Variants in PTPRD observed in about 807,000 individuals in gnomAD.
The protein encoded by PTPRD is receptor-type tyrosine-protein phosphatase delta.
A neutral mutation model predicts 214.5 loss-of-function variants in PTPRD; 34 were observed. That is an observed-to-expected ratio of 0.16 (90% CI 0.12 to 0.21). The LOEUF is 0.21. PTPRD is among the 10% of genes least tolerant of loss of function. The pLI is 1.00. For missense variants in PTPRD, 2,545 were observed against 2,398.7 expected, an observed-to-expected ratio of 1.06 and a Z score of -1.27; for synonymous variants, 1,128 against 845.7, an observed-to-expected ratio of 1.33 and a Z score of -5.79.
intron 7 of PTPRD, among the ~76,000 whole-genome samples, chr9:9,625,519 G>T (rs1340804240): frequency 6.6e-6 from 1 of 151,622 alleles, no homozygotes; most frequent in Non-Finnish European, 1.5e-5. Flanking sequence ...CTGAATTACT[G>T]TGAGGTGATT....
At chr9:10,242,241 C>T (rs1339306596) in intron 3 of PTPRD, among the ~76,000 whole-genome samples, 2 of 151,926 alleles carry the variant, frequency 1.3e-5, no homozygotes, top group Non-Finnish European at 2.9e-5. Context: ...ATTTTCAGTT[C>T]TCTAAACTGT....
intron 39 of PTPRD, among the ~76,000 whole-genome samples, chr9:8,370,348 T>C (rs1414419600): frequency 6.6e-6 from 1 of 151,564 alleles, no homozygotes; most frequent in African/African-American, 2.4e-5. Context: ...ATACGAAGAG[T>C]AAGAACTGGA....
intron 12 of PTPRD, among the ~76,000 whole-genome samples, chr9:8,689,697 G>C (rs1246902594): frequency 1.3e-5 from 2 of 151,974 alleles, no homozygotes; most frequent in African/African-American, 4.8e-5. Context: ...ATTTGGGTGG[G>C]GACACAGCCA....
intron 5 of PTPRD, among the ~76,000 whole-genome samples, chr9:9,876,370 A>G (rs1187720728): frequency 2.0e-5 from 3 of 152,194 alleles, no homozygotes. Flanking sequence ...GGGCTTCAGT[A>G]GCAAGCATGC....
chr9:10,258,718 A>T (rs144794879), intron 3 of PTPRD, among the ~76,000 whole-genome samples: 128 of 152,246 alleles, frequency 8.4e-4, no homozygotes, highest in African/African-American at 3.0e-3. Flanking sequence ...GTGTGGTTTC[A>T]GGTTTCAGTC....
At chr9:9,439,506 C>T (rs4142433) in intron 8 of PTPRD, among the ~76,000 whole-genome samples, 134,450 of 152,164 alleles carry the variant, frequency 0.88, 59,694 homozygotes, top group African/African-American at 0.95. Flanking sequence ...AGGAGACTAC[C>T]GGAAACAGAT....
At chr9:9,378,885 T>C (rs1299737970) in intron 9 of PTPRD, among the ~76,000 whole-genome samples, 1 of 152,086 alleles carries the variant, frequency 6.6e-6, no homozygotes, top group Non-Finnish European at 1.5e-5. Context: ...AAGTTTCTTA[T>C]ATATTTTGGA....
intron 11 of PTPRD, among the ~76,000 whole-genome samples, chr9:8,934,500 TATATAA>T (rs1306266074): frequency 0.022 from 597 of 27,522 alleles, 42 homozygotes; most frequent in East Asian, 0.032. Flanking sequence ...TATAAATATA[TATATAA>T]ATATATATAT....
chr9:8,413,879 T>A (rs1270003689), intron 35 of PTPRD, among the ~76,000 whole-genome samples: 1 of 152,128 alleles, frequency 6.6e-6, no homozygotes, highest in Non-Finnish European at 1.5e-5. Flanking sequence ...TTTTACATTG[T>A]AAAATTAGGG....
chr9:8,647,411 G>A (rs895689292), intron 12 of PTPRD, among the ~76,000 whole-genome samples: 2 of 152,058 alleles, frequency 1.3e-5, no homozygotes, highest in South Asian at 2.1e-4. Context: ...CAAGAAAGAG[G>A]TTATATCGTA....
At chr9:9,042,975 T>C (rs1237247809) in intron 10 of PTPRD, among the ~76,000 whole-genome samples, 1 of 152,198 alleles carries the variant, frequency 6.6e-6, no homozygotes, top group Non-Finnish European at 1.5e-5. Context: ...AGGACTGGAC[T>C]TGTAGTTTGA....
chr9:10,051,111 T>A (rs1187904767), intron 3 of PTPRD, among the ~76,000 whole-genome samples: 1 of 152,164 alleles, frequency 6.6e-6, no homozygotes, highest in Non-Finnish European at 1.5e-5. Flanking sequence ...CACTGAATTC[T>A]GGGTACCTAA....
At chr9:8,398,364 G>A (rs1006485384) in intron 36 of PTPRD, among the ~76,000 whole-genome samples, 8 of 152,088 alleles carry the variant, frequency 5.3e-5, no homozygotes, top group Admixed American at 3.9e-4. Flanking sequence ...AGCTTCGGAT[G>A]CGTTATCAGG....
intron 11 of PTPRD, among the ~76,000 whole-genome samples, chr9:8,980,653 CAT>C (rs1317473239): frequency 6.6e-6 from 1 of 152,016 alleles, no homozygotes; most frequent in Non-Finnish European, 1.5e-5. Context: ...GGAATTTTTC[CAT>C]TAGAGAAATG....
intron 5 of PTPRD, among the ~76,000 whole-genome samples, chr9:9,773,439 G>C (rs2098769851): frequency 6.6e-6 from 1 of 152,080 alleles, no homozygotes; most frequent in African/African-American, 2.4e-5. Context: ...GATTGACAGT[G>C]ATGACATCCA....
chr9:8,586,177 G>A (rs961733758), intron 14 of PTPRD, among the ~76,000 whole-genome samples: 2 of 152,134 alleles, frequency 1.3e-5, no homozygotes, highest in African/African-American at 4.8e-5. Flanking sequence ...GCGTGTGCCT[G>A]TAATCCCAGC....
chr9:10,061,211 C>G (rs1002092739), intron 3 of PTPRD, among the ~76,000 whole-genome samples: 16 of 151,726 alleles, frequency 1.1e-4, no homozygotes, highest in Non-Finnish European at 2.2e-4. Flanking sequence ...AAATGCATAA[C>G]AAGTTCAACA....
intron 3 of PTPRD, among the ~76,000 whole-genome samples, chr9:10,132,553 T>C (rs1299514031): frequency 1.3e-5 from 2 of 152,086 alleles, no homozygotes; most frequent in African/African-American, 4.8e-5. Flanking sequence ...TTGAGAAAAA[T>C]TTCAGTACAC....
At chr9:8,985,028 T>C (rs543996949) in intron 11 of PTPRD, among the ~76,000 whole-genome samples, 44 of 152,242 alleles carry the variant, frequency 2.9e-4, no homozygotes, top group African/African-American at 1.1e-3. Context: ...CTAACCTTTC[T>C]TGCAAGCTCA....
Sources: allele counts gnomAD v4.1 joint callset (sites outside exome capture counted in the v4.1 genomes callset), GRCh38; gene constraint gnomAD v4.1.1; transcripts MANE v1.5; gene names NCBI Gene and HGNC (gene_info 2026-07-23, HGNC 2026-07-21).